Variants in RAD51B observed in about 807,000 individuals in gnomAD.
The protein encoded by RAD51B is RAD51 paralog B, also known as DNA repair protein RAD51 homolog 2.
Under a neutral mutation model 42.2 loss-of-function variants are expected in RAD51B, and 38 were observed. The observed-to-expected ratio is 0.90, with a 90% CI of 0.70 to 1.18. RAD51B has a LOEUF of 1.18. Ranked by LOEUF, RAD51B falls within the 50% of genes most tolerant of loss-of-function variation. The pLI is 0.00. For synonymous variants in RAD51B, 154 were observed against 145.2 expected, an observed-to-expected ratio of 1.06 and a Z score of -0.43; for missense variants, 373 against 400.7, an observed-to-expected ratio of 0.93 and a Z score of 0.59.
intron 7 of RAD51B, among the ~76,000 whole-genome samples, chr14:68,184,831 AT>A (rs1328945433): frequency 6.6e-6 from 1 of 152,194 alleles, no homozygotes; most frequent in Non-Finnish European, 1.5e-5. Context: ...ATGCTTGAGC[AT>A]TTTGAAAGAG....
At chr14:68,155,797 C>A (rs568584369) in intron 7 of RAD51B, among the ~76,000 whole-genome samples, 1 of 152,236 alleles carries the variant, frequency 6.6e-6, no homozygotes, top group East Asian at 1.9e-4. Context: ...ATCCAGGATG[C>A]AATATACAAA....
intron 7 of RAD51B, among the ~76,000 whole-genome samples, chr14:67,993,891 C>T (rs1292757835): frequency 6.6e-6 from 1 of 152,066 alleles, no homozygotes; most frequent in Non-Finnish European, 1.5e-5. Flanking sequence ...AAAAGAAACA[C>T]TGGAAAATAC....
At chr14:67,831,745 T>C (rs1045212632) in intron 3 of RAD51B, among the ~76,000 whole-genome samples, 1 of 151,946 alleles carries the variant, frequency 6.6e-6, no homozygotes, top group Non-Finnish European at 1.5e-5. Flanking sequence ...GGTTTCTCCA[T>C]GTTTGTCAGC....
intron 9 of RAD51B, among the ~76,000 whole-genome samples, chr14:68,458,119 A>G (rs1341742016): frequency 6.6e-6 from 1 of 152,204 alleles, no homozygotes; most frequent in South Asian, 2.1e-4. Context: ...GGGTTGATAG[A>G]TAAATAGATA....
intron 5 of RAD51B, 102 bp downstream of exon 5, chr14:67,865,241 CT>C (rs1269999800): frequency 0.13 from 113,641 of 846,130 alleles, no homozygotes; most frequent in East Asian, 0.15. Context: ...TCCCCCTTGC[CT>C]TTTTTTTTTT....
In RAD51B at chr14:68,677,598, C is replaced by T. The variant is rs562189333; in HGVS notation, c.*11+26742C>T. ...CTCAACTCAGGGTATCTTGTGAAAC[C>T]TTGTGTCCTTTATTCTTGGGCATGG... On this transcript the variant is annotated intron_variant, in intron 11 of 11. Transcript: ENST00000488612. Among the ~76,000 whole-genome samples, 22 of 152,308 alleles carry T rather than the reference C, an allele frequency of 1.4e-4. No homozygotes were observed. The South Asian group carries it at 4.6e-3, about 32-fold the overall frequency.
intron 9 of RAD51B, among the ~76,000 whole-genome samples, chr14:68,460,985 C>A (rs914174803): frequency 2.0e-5 from 3 of 152,132 alleles, no homozygotes; most frequent in Non-Finnish European, 2.9e-5. Flanking sequence ...AATGAAGCTT[C>A]TCTTACGTAT....
chr14:68,052,109 T>A (rs957857325), intron 7 of RAD51B, among the ~76,000 whole-genome samples: 1 of 152,212 alleles, frequency 6.6e-6, no homozygotes, highest in Non-Finnish European at 1.5e-5. Flanking sequence ...TATCTCAGTC[T>A]GCTTCAGTCA....
intron 10 of RAD51B, among the ~76,000 whole-genome samples, chr14:68,484,168 C>G (rs1443654777): frequency 6.6e-6 from 1 of 152,150 alleles, no homozygotes; most frequent in African/African-American, 2.4e-5. Context: ...CACCCTGTTT[C>G]CTGCCTAAAA....
chr14:68,302,002 T>A (rs7148322), intron 8 of RAD51B, among the ~76,000 whole-genome samples: 102,754 of 152,084 alleles, frequency 0.68, 34,998 homozygotes, highest in Non-Finnish European at 0.73. Flanking sequence ...ATAATTGATG[T>A]TAATAAATAC....
intron 7 of RAD51B, among the ~76,000 whole-genome samples, chr14:68,184,632 A>AAG (rs1264263034): frequency 6.6e-6 from 1 of 151,352 alleles, no homozygotes; most frequent in Non-Finnish European, 1.5e-5. Flanking sequence ...AACCAAAAAA[A>AAG]AAAACAGGAA....
At chr14:68,627,923 T>TTAAA (rs1555432877) in intron 10 of RAD51B, among the ~76,000 whole-genome samples, 75,452 of 151,722 alleles carry the variant, frequency 0.5, 19,211 homozygotes, top group African/African-American at 0.58. Context: ...TTATTTTTTT[T>TTAAA]TAAATAAACA....
At chr14:68,681,128 G>T (rs1473475881) in intron 11 of RAD51B, among the ~76,000 whole-genome samples, 1 of 152,166 alleles carries the variant, frequency 6.6e-6, no homozygotes, top group East Asian at 1.9e-4. Flanking sequence ...ATCCTGTACA[G>T]TAATCTCTGT....
intron 8 of RAD51B, among the ~76,000 whole-genome samples, chr14:68,322,962 G>A (rs968225157): frequency 6.6e-6 from 1 of 152,186 alleles, no homozygotes; most frequent in South Asian, 2.1e-4. Context: ...TAGATGTGTG[G>A]TGTTAATAAC....
chr14:67,913,706 A>G (rs2044061383), intron 7 of RAD51B, among the ~76,000 whole-genome samples: 1 of 152,120 alleles, frequency 6.6e-6, no homozygotes, highest in Admixed American at 6.5e-5. Context: ...GGTATATGGG[A>G]TATTTTGATA....
At position 68,625,948 on chromosome 14, in the gene RAD51B, A is replaced by G. The variant is rs1162583218; in HGVS notation, c.1037-24833A>G. Among the ~76,000 whole-genome samples the G allele has an allele frequency of 3.3e-5, 5 of 152,178 alleles. No homozygotes were observed. In the South Asian group the frequency reaches 8.3e-4, roughly 25 times the overall value. On this transcript the variant is annotated intron_variant, in intron 10 of 11. Transcript: ENST00000488612. ...GTGTGGGTGAGGTTCAGACTCCCCC[A>G]TGGTGTGGCTGGCTCCTGGGTGGGC...
intron 4 of RAD51B, among the ~76,000 whole-genome samples, chr14:67,850,353 T>C (rs2041763500): frequency 6.6e-6 from 1 of 152,148 alleles, no homozygotes; most frequent in African/African-American, 2.4e-5. Flanking sequence ...CTTTCTTTTC[T>C]TGTATTATTA....
At chr14:68,659,092 G>T (rs1892881688) in intron 11 of RAD51B, among the ~76,000 whole-genome samples, 2 of 152,230 alleles carry the variant, frequency 1.3e-5, no homozygotes, top group Admixed American at 1.3e-4. Context: ...TGGAGGGAGG[G>T]CAGAGAGTGG....
intron 4 of RAD51B, among the ~76,000 whole-genome samples, chr14:67,854,642 A>AT (rs2041927773): frequency 6.6e-6 from 1 of 151,128 alleles, no homozygotes; most frequent in East Asian, 2.0e-4. Flanking sequence ...TCAAAAAAAA[A>AT]AAAAAGTATT....
Sources: allele counts gnomAD v4.1 joint callset (sites outside exome capture counted in the v4.1 genomes callset), GRCh38; gene constraint gnomAD v4.1.1; transcripts MANE v1.5; gene names NCBI Gene and HGNC (gene_info 2026-07-23, HGNC 2026-07-21).